The following RBM33 variants were observed in gnomAD, a reference collection of about 807,000 sequenced individuals.
RBM33 encodes the protein RNA binding motif protein 33.
In RBM33, 28 loss-of-function variants were observed where a neutral mutation model predicts 132.6. The observed-to-expected ratio is 0.21, with a 90% confidence interval of 0.16 to 0.29. The LOEUF (loss-of-function observed/expected upper bound fraction) is 0.29. Among genes scored for constraint, RBM33 ranks in the 10% least tolerant of loss-of-function variants. RBM33 has a pLI of 1.00. For missense variants in RBM33, 1,291 were observed against 1,518.5 expected, an observed-to-expected ratio of 0.85 and a Z score of 2.49; for synonymous variants, 634 against 593.0, an observed-to-expected ratio of 1.07 and a Z score of -1.01.
At chr7:155,711,138 CG>C (rs1340972511) in intron 7 of RBM33, 64 bp from the exon 8 acceptor site, 3 of 1,434,616 alleles carry the variant, frequency 2.1e-6, no homozygotes, top group Admixed American at 6.2e-5. Flanking sequence ...ATGTTGATTT[CG>C]GTGAACTTTT....
chr7:155,723,680 T>A (rs1412193983), intron 9 of RBM33, among the ~76,000 whole-genome samples: 2 of 152,206 alleles, frequency 1.3e-5, no homozygotes, highest in African/African-American at 2.4e-5. Context: ...GTTGCATGTG[T>A]TGGATAGAGA....
intron 5 of RBM33, among the ~76,000 whole-genome samples, chr7:155,689,734 A>C (rs1468126001): frequency 1.3e-5 from 2 of 152,220 alleles, no homozygotes; most frequent in Admixed American, 1.3e-4. Flanking sequence ...TTATGTACCC[A>C]GTAGTCAGTC....
At chr7:155,683,336 C>T (rs1799387603) in intron 5 of RBM33, among the ~76,000 whole-genome samples, 1 of 152,200 alleles carries the variant, frequency 6.6e-6, no homozygotes, top group Non-Finnish European at 1.5e-5. Context: ...CACCATTAGA[C>T]TAATGAACAC....
In RBM33 at chr7:155,710,231, C is replaced by T. The variant is rs1024558897; in HGVS notation, c.949-972C>T. Reference sequence around the variant, plus strand: ...GTGGTCTACTGCTAATTAGCTGTGTCGTCAGTTTGGTTAGTGATTAAAAGC... The same window carrying T: ...GTGGTCTACTGCTAATTAGCTGTGTTGTCAGTTTGGTTAGTGATTAAAAGC... On this transcript the variant is annotated intron_variant, in intron 7 of 17. Coordinates refer to ENST00000401878, the MANE Select transcript of RBM33 (RefSeq NM_053043.3). Among the ~76,000 whole-genome samples, 97 of 152,284 alleles carry T rather than the reference C, an allele frequency of 6.4e-4. 1 individual carries two copies. The highest frequency in any genetic ancestry group is 2.0e-3 in the African/African-American group (85 of 41,544).
intron 5 of RBM33, among the ~76,000 whole-genome samples, chr7:155,684,670 T>C (rs1040159322): frequency 3.3e-5 from 5 of 152,180 alleles, no homozygotes; most frequent in Admixed American, 1.3e-4. Context: ...GCAGAGGAGC[T>C]GTGTGACAGG....
At chr7:155,742,203 A>C in intron 13 of RBM33, 97 bp downstream of exon 13, 1 of 1,219,104 alleles carries the variant, frequency 8.2e-7, no homozygotes, top group Non-Finnish European at 1.1e-6. Flanking sequence ...TTATTCACAA[A>C]ATCTTCCCAC....
rs1425404039 is a variant in RBM33, at chr7:155,711,262, C to A, written c.1008C>A (p.Phe336Leu). 2 of 1,603,094 alleles carry A rather than the reference C, an allele frequency of 1.2e-6. No homozygotes were observed. The highest frequency in any genetic ancestry group is 1.7e-6 in the Non-Finnish European group (2 of 1,175,454). Residue 336 changes from phenylalanine (F) to leucine (L), a missense_variant, in exon 8 of 18, where the codon TTC becomes TTA. By Grantham distance (22) the Phe-to-Leu change is conservative (BLOSUM62 0). This residue lies in a region of RBM33 where 146 missense variants were observed against 137.1 expected (regional missense o/e 1.07). Coordinates refer to ENST00000401878, the MANE Select transcript of RBM33 (RefSeq NM_053043.3). Reference protein sequence around the residue: ...PPQQQPIRSLFQPQPLQPLLP... With the variant: ...PPQQQPIRSLLQPQPLQPLLP... The stretch of plus-strand genomic sequence containing the variant: ...AGCAGCAGCCGATCAGAAGCCTGTT[C>A]CAGCCGCAGCCGCTGCAGCCGCTGC...
rs922484805 is a variant in RBM33 at position 155,680,671 on chromosome 7, A to T, written c.330A>T (p.Gln110His). ...AACTCTCTGACAACACTAACGACCA[A>T]TCTGGAGAACAGGAATCTGAGTATG... ...SFELSDNTND[Q>H]SGEQESEYEQ... The change falls in exon 5 of 18, where the codon CAA becomes CAT. Residue 110 changes from glutamine to histidine, a missense_variant. Physicochemically the swap from Gln to His is conservative, Grantham distance 24. This residue lies in a region of RBM33 where 194 missense variants were observed against 249.8 expected (regional missense o/e 0.78). Transcript: ENST00000401878. 1 of 1,611,324 alleles carries T rather than the reference A, an allele frequency of 6.2e-7. No individual in the cohort carries two copies. The highest frequency in any genetic ancestry group is 8.5e-7 in the Non-Finnish European group (1 of 1,178,778).
chr7:155,706,462 C>G (rs1394507854), intron 6 of RBM33, among the ~76,000 whole-genome samples: 1 of 151,762 alleles, frequency 6.6e-6, no homozygotes, highest in African/African-American at 2.4e-5. Context: ...CCACTGTGCT[C>G]TAGCCAGGGC....
intron 9 of RBM33, among the ~76,000 whole-genome samples, chr7:155,726,520 A>T (rs979023998): frequency 6.6e-6 from 1 of 152,248 alleles, no homozygotes; most frequent in East Asian, 1.9e-4. Context: ...TTAAAAGAAT[A>T]TAAAGAAAAG....
At chr7:155,747,082 A>G (rs1244033392) in intron 14 of RBM33, among the ~76,000 whole-genome samples, 2 of 152,238 alleles carry the variant, frequency 1.3e-5, no homozygotes, top group East Asian at 3.8e-4. Flanking sequence ...GAAAATCTTT[A>G]TAAAATACTG....
rs543513617 is a variant in RBM33, at chr7:155,662,759, C to A, written c.44-2416C>A. 2.6e-5 allele frequency among the ~76,000 whole-genome samples: 4 copies of A among 152,024 alleles called. No individual in the cohort carries two copies. In the East Asian group the frequency reaches 7.8e-4, roughly 29 times the overall value. On this transcript the variant is annotated intron_variant, in intron 1 of 17. Transcript: ENST00000401878. ...GGGACCTGAGTGGAAGAAAGGAGCC[C>A]ACATGTCTCAGTAACAGTCACCCAG...
chr7:155,724,155 A>G (rs980260532), intron 9 of RBM33, among the ~76,000 whole-genome samples: 2 of 151,584 alleles, frequency 1.3e-5, no homozygotes, highest in Non-Finnish European at 2.9e-5. Flanking sequence ...TTCTTTTAAT[A>G]TTTAATTTCC....
At chr7:155,660,873 A>G (rs1405695217) in intron 1 of RBM33, among the ~76,000 whole-genome samples, 1 of 151,598 alleles carries the variant, frequency 6.6e-6, no homozygotes, top group Admixed American at 6.6e-5. Flanking sequence ...TTACACGTAT[A>G]TTGTTGTGCC....
intron 14 of RBM33, among the ~76,000 whole-genome samples, chr7:155,754,664 T>C (rs1340885575): frequency 6.6e-6 from 1 of 152,244 alleles, no homozygotes; most frequent in Non-Finnish European, 1.5e-5. Context: ...TCTTGCTTTT[T>C]AAAGATCTCC....
At chr7:155,749,850 ATGT>A (rs538296306) in intron 14 of RBM33, among the ~76,000 whole-genome samples, 2 of 152,238 alleles carry the variant, frequency 1.3e-5, no homozygotes, top group Non-Finnish European at 2.9e-5. Flanking sequence ...ATCACTTGCT[ATGT>A]GCTGTGTGAG....
intron 1 of RBM33, among the ~76,000 whole-genome samples, chr7:155,662,626 G>T (rs1488957407): frequency 1.3e-5 from 2 of 152,100 alleles, no homozygotes; most frequent in Non-Finnish European, 2.9e-5. Context: ...GGAACTGGGG[G>T]AAAGCAGCAG....
chr7:155,724,885 A>G (rs543254814), intron 9 of RBM33, among the ~76,000 whole-genome samples: 2 of 152,182 alleles, frequency 1.3e-5, no homozygotes, highest in Non-Finnish European at 2.9e-5. Flanking sequence ...GTATTCCAGT[A>G]TATGGATATA....
rs541811022 is a variant in RBM33 at position 155,659,799 on chromosome 7, C to T, written c.44-5376C>T. Among the ~76,000 whole-genome samples the T allele has an allele frequency of 8.5e-5, 13 of 152,208 alleles. No homozygotes were observed. The South Asian group carries it at 2.3e-3, about 27-fold the overall frequency. On this transcript the variant is annotated intron_variant, in intron 1 of 17. Transcript: ENST00000401878. ...GAAATTTATTCACAGGTCAGGAGACCGGAAGTCCATATTAATGTACCAGCA... is the reference window on the plus strand; with the variant it reads ...GAAATTTATTCACAGGTCAGGAGACTGGAAGTCCATATTAATGTACCAGCA...
Sources: gnomAD v4.1 joint callset for allele counts (sites outside exome capture counted in the v4.1 genomes callset) on GRCh38, gnomAD v4.1.1 for gene constraint, gnomAD v4.1.1 regional missense constraint, MANE v1.5 for transcripts, NCBI Gene and HGNC (gene_info 2026-07-23, HGNC 2026-07-21) for gene names.